Variants in ACAP2 observed in about 807,000 individuals in gnomAD.
The protein encoded by ACAP2 is ArfGAP with coiled-coil, ankyrin repeat and PH domains 2.
A neutral mutation model predicts 115.8 loss-of-function variants in ACAP2; 39 were observed. The observed-to-expected ratio is 0.34, with a 90% CI of 0.26 to 0.44. The LOEUF is 0.44. Ranked by LOEUF, ACAP2 falls within the 20% of genes least tolerant of loss-of-function variation. The pLI, the probability that ACAP2 is intolerant of heterozygous loss-of-function variation, is 1.00. For synonymous variants in ACAP2, 289 were observed against 315.8 expected (o/e 0.92, Z 0.90); for missense variants, 662 against 927.6 (o/e 0.71, Z 3.72).
At chr3:195,281,315 G>A (rs1453324799) in intron 22 of ACAP2, among the ~76,000 whole-genome samples, 1 of 152,218 alleles carries the variant, frequency 6.6e-6, no homozygotes, top group Admixed American at 6.5e-5. Context: ...CAAGGCATGA[G>A]AATGGTGTGA....
At chr3:195,408,696 C>A (rs1176569222) in intron 1 of ACAP2, among the ~76,000 whole-genome samples, 1 of 152,070 alleles carries the variant, frequency 6.6e-6, no homozygotes, top group African/African-American at 2.4e-5. Flanking sequence ...TGCAAAAATT[C>A]TCAACAGAAG....
rs1733960777 is a variant in ACAP2, at chr3:195,381,858, T to C, written c.231+45A>G. The C allele has an allele frequency of 1.9e-6, 3 of 1,563,366 alleles. No homozygotes were observed. The highest frequency in any genetic ancestry group is 2.6e-6 in the Non-Finnish European group (3 of 1,159,262). Reference sequence around the variant, plus strand: ...GAATGCACAATTCTTTAATGTCTTATTGCTTTTTTTTTTCATTTTTAACTG... The same window carrying C: ...GAATGCACAATTCTTTAATGTCTTACTGCTTTTTTTTTTCATTTTTAACTG... On this transcript the variant is annotated intron_variant, in intron 3 of 22. Coordinates refer to ENST00000326793, the MANE Select transcript of ACAP2 (RefSeq NM_012287.6).
At position 195,327,651 on chromosome 3, in the gene ACAP2, GC is replaced by G. The variant is rs1299600150; in HGVS notation, c.670-693del. Among the ~76,000 whole-genome samples the G allele has an allele frequency of 9.2e-5, 14 of 152,060 alleles. 1 individual carries two copies. The highest frequency in any genetic ancestry group is 2.1e-4 in the Non-Finnish European group (14 of 68,022). On this transcript the variant is annotated intron_variant, in intron 8 of 22. Coordinates refer to ENST00000326793, the MANE Select transcript of ACAP2 (RefSeq NM_012287.6). ...AAACTTAATAAAACCATAAAACCTG[GC>G]CGGGCGCAGTGGCTCACACCTGTAA...
At chr3:195,320,841 C>A in intron 9 of ACAP2, 28 bp from the exon 10 acceptor site, 2 of 1,507,248 alleles carry the variant, frequency 1.3e-6, no homozygotes, top group South Asian at 1.2e-5. Context: ...TAAAGAAGTT[C>A]ATATGACTTG....
chr3:195,299,415 C>CA (rs66689467), intron 15 of ACAP2, among the ~76,000 whole-genome samples: 1,944 of 133,766 alleles, frequency 0.015, 31 homozygotes, highest in African/African-American at 0.05. Context: ...ACAAAAAATA[C>CA]AAAAAAAAAA....
intron 6 of ACAP2, among the ~76,000 whole-genome samples, chr3:195,341,546 A>C (rs1730880287): frequency 6.6e-6 from 1 of 151,926 alleles, no homozygotes; most frequent in Admixed American, 6.6e-5. Context: ...GGATGGTCTC[A>C]ATCTCCTGAC....
intron 1 of ACAP2, among the ~76,000 whole-genome samples, chr3:195,437,424 C>T (rs1434043824): frequency 6.6e-6 from 1 of 152,110 alleles, no homozygotes; most frequent in Middle Eastern, 3.2e-3. Context: ...TGAAAGTTCA[C>T]CATTAAGAAA....
At position 195,353,085 on chromosome 3, in the gene ACAP2, A is replaced by C. The variant is rs551476539; in HGVS notation, c.286-7768T>G. ...ACAGAGTGAGACTCTGTCTTTAAAAAAAAAAAAAAAAAAGGCATTGGAGCT... is the reference window on the plus strand; with the variant it reads ...ACAGAGTGAGACTCTGTCTTTAAAACAAAAAAAAAAAAAGGCATTGGAGCT... On this transcript the variant is annotated intron_variant, in intron 4 of 22. Transcript: ENST00000326793. Among the ~76,000 whole-genome samples, 403 of 151,754 alleles carry C rather than the reference A, an allele frequency of 2.7e-3. 3 individuals carry two copies. Among genetic ancestry groups the C allele is most frequent in the Non-Finnish European group, 2.5e-3 (173 of 67,902 alleles).
rs371594921 is a variant in ACAP2 at position 195,307,295 on chromosome 3, A to C, written c.938T>G (p.Leu313Arg). The change falls in exon 12 of 23, where the codon CTC (leucine) becomes CGC (arginine). Residue 313 changes from leucine (L) to arginine (R), a missense_variant. Physicochemically the swap from Leu to Arg is moderately radical, Grantham distance 102 (BLOSUM62 -2). Transcript: ENST00000326793. Reference protein sequence around the residue: ...KDNPTVVVEDLRLCTVKHCED... With the variant: ...KDNPTVVVEDRRLCTVKHCED... ...ACAATGTTTCACTGTGCAAAGCCTG[A>C]GGTCTTCAACTACCACAGTCGGATT... is the stretch of plus-strand genomic sequence containing the variant. The C allele has an allele frequency of 6.2e-7, 1 of 1,612,872 alleles. No individual in the cohort carries two copies. The highest frequency in any genetic ancestry group is 8.5e-7 in the Non-Finnish European group (1 of 1,179,316).
Position 195,279,124 on chromosome 3 carries a change from A to G in ACAP2, c.*204T>C. ...ATAGCCCTTTAAATAGGCTTTTTTA[A>G]TAAAAGAGGTCCTAAACTAGGTTCC... On this transcript the variant is annotated 3_prime_UTR_variant, in exon 23 of 23. Coordinates refer to ENST00000326793, the MANE Select transcript of ACAP2 (RefSeq NM_012287.6). 1 of 408,668 alleles carries G rather than the reference A, an allele frequency of 2.4e-6. No individual in the cohort carries two copies. Among genetic ancestry groups the G allele is most frequent in the Non-Finnish European group, 4.3e-6 (1 of 233,880 alleles). The allele number at this position is 408,668 out of a possible 1,614,324, so 25.3% of individuals were successfully genotyped here.
chr3:195,420,916 T>C (rs1269842418), intron 1 of ACAP2, among the ~76,000 whole-genome samples: 4 of 152,166 alleles, frequency 2.6e-5, no homozygotes, highest in Non-Finnish European at 1.5e-5. Flanking sequence ...AGTGCTGGGA[T>C]TACAGGTGTG....
At chr3:195,340,050 G>A (rs1423297895) in intron 6 of ACAP2, among the ~76,000 whole-genome samples, 3 of 151,058 alleles carry the variant, frequency 2.0e-5, no homozygotes, top group Non-Finnish European at 3.0e-5. Flanking sequence ...TGAGTAACCC[G>A]GATCACAAAA....
chr3:195,375,420 G>A (rs1037758806), intron 4 of ACAP2, among the ~76,000 whole-genome samples: 9 of 143,874 alleles, frequency 6.3e-5, no homozygotes, highest in African/African-American at 2.1e-4. Context: ...GATGACTTGT[G>A]AAACACTGAA....
intron 14 of ACAP2, 77 bp downstream of exon 14, chr3:195,301,889 A>G: frequency 6.7e-7 from 1 of 1,490,708 alleles, no homozygotes. Context: ...GGAAAAGGGC[A>G]ACTAACAAGT....
chr3:195,399,608 A>T (rs1712098308), intron 1 of ACAP2, among the ~76,000 whole-genome samples: 1 of 140,952 alleles, frequency 7.1e-6, no homozygotes, highest in Non-Finnish European at 1.5e-5. Flanking sequence ...AACTTTTTTT[A>T]AAAAAAGTAG....
intron 10 of ACAP2, among the ~76,000 whole-genome samples, chr3:195,311,195 C>G (rs1272058367): frequency 6.7e-6 from 1 of 148,214 alleles, no homozygotes; most frequent in East Asian, 2.1e-4. Flanking sequence ...TTCCTGGGTT[C>G]AAGCGATCCT....
In ACAP2 at chr3:195,294,609, T is replaced by TATATATATATATATATA. The variant is rs1491478131; in HGVS notation, c.1765+109_1765+110insTATATATATATATATAT. The TATATATATATATATATA allele has an allele frequency of 8.1e-5, 3 of 36,848 alleles. No homozygotes were observed. The East Asian group carries it at 1.9e-3, about 23-fold the overall frequency. The allele number at this position is 36,848 out of a possible 1,614,324, so 2.3% of individuals were successfully genotyped here. ...AAAAAGAAGAAAAAAAAAAAAAAAA[T>TATATATATATATATATA]TATATATATATATATATATATAATT... On this transcript the variant is annotated intron_variant, in intron 18 of 22. Transcript: ENST00000326793.
At chr3:195,400,030 T>A (rs1236560414) in intron 1 of ACAP2, among the ~76,000 whole-genome samples, 1 of 151,120 alleles carries the variant, frequency 6.6e-6, no homozygotes, top group Non-Finnish European at 1.5e-5. Context: ...AATACAAAAT[T>A]AGCCGGGTAT....
chr3:195,373,056 A>C (rs1364420857), intron 4 of ACAP2, among the ~76,000 whole-genome samples: 1 of 151,492 alleles, frequency 6.6e-6, no homozygotes, highest in Non-Finnish European at 1.5e-5. Context: ...ACTGTGAAAC[A>C]AAAAAGATAT....
Sources: gnomAD v4.1 joint callset for allele counts (sites outside exome capture counted in the v4.1 genomes callset) on GRCh38, gnomAD v4.1.1 for gene constraint, MANE v1.5 for transcripts, NCBI Gene and HGNC (gene_info 2026-07-23, HGNC 2026-07-21) for gene names.